The following ADARB2 variants were observed in gnomAD, a reference collection of about 807,000 sequenced individuals.
ADARB2 encodes the protein inactive double-stranded RNA-specific editase B2.
ADARB2 carries 25 observed loss-of-function variants against 62.2 expected under a neutral mutation model. The ratio of observed to expected loss-of-function variants is 0.40; its 90% CI spans 0.29 to 0.56. The LOEUF (loss-of-function observed/expected upper bound fraction) is 0.56, where lower values mean the gene tolerates loss of function less well. Among genes scored for constraint, ADARB2 ranks in the 20% least tolerant of loss-of-function variants. The pLI, the probability that ADARB2 is intolerant of heterozygous loss-of-function variation, is 0.43. For missense variants in ADARB2, 1,071 were observed against 1,077.4 expected (o/e 0.99, Z 0.08); for synonymous variants, 572 against 500.8 (o/e 1.14, Z -1.90).
chr10:1,568,266 T>C lies in ADARB2; in HGVS notation c.100+168785A>G, dbSNP rs1832883475. Among the ~76,000 whole-genome samples, 3 of 152,060 alleles carry C rather than the reference T, an allele frequency of 2.0e-5. No homozygotes were observed. The South Asian group carries it at 6.2e-4, about 32-fold the overall frequency. ...TGTCCTATATTGGTCTAGATGGAGC[T>C]TGGGACCACGGCTGCCAGGAAACGC... On this transcript the variant is annotated intron_variant, in intron 1 of 9. Coordinates refer to ENST00000381312, the MANE Select transcript of ADARB2 (RefSeq NM_018702.4).
chr10:1,468,727 A>G (rs1323544278), intron 1 of ADARB2, among the ~76,000 whole-genome samples: 1 of 152,206 alleles, frequency 6.6e-6, no homozygotes, highest in Non-Finnish European at 1.5e-5. Flanking sequence ...CTTCTGACTC[A>G]GACCCCCGGC....
intron 1 of ADARB2, among the ~76,000 whole-genome samples, chr10:1,546,733 A>G (rs1381686088): frequency 6.6e-6 from 1 of 152,264 alleles, no homozygotes; most frequent in Non-Finnish European, 1.5e-5. Context: ...GCAAAGGGTG[A>G]AAACAACGCT....
chr10:1,510,904 A>G (rs1290232817), intron 1 of ADARB2, among the ~76,000 whole-genome samples: 1 of 152,048 alleles, frequency 6.6e-6, no homozygotes, highest in Non-Finnish European at 1.5e-5. Flanking sequence ...CCCAGGCTGG[A>G]GTGCACTGGA....
rs1004426668 is a variant in ADARB2 at position 1,601,612 on chromosome 10, A to G, written c.100+135439T>C. On this transcript the variant is annotated intron_variant, in intron 1 of 9. Coordinates refer to ENST00000381312, the MANE Select transcript of ADARB2 (RefSeq NM_018702.4). ...GGCATGCTGTACACACGTTAGAAACATGTGCTGAGCTGATGAGCAGCTCAC... is the reference window on the plus strand; with the variant it reads ...GGCATGCTGTACACACGTTAGAAACGTGTGCTGAGCTGATGAGCAGCTCAC... Among the ~76,000 whole-genome samples, 6 of 152,232 alleles carry G rather than the reference A, an allele frequency of 3.9e-5. No individual in the cohort carries two copies. In the East Asian group the frequency reaches 5.8e-4, roughly 15 times the overall value.
intron 3 of ADARB2, among the ~76,000 whole-genome samples, chr10:1,315,113 G>T (rs1831726656): frequency 6.6e-6 from 1 of 152,198 alleles, no homozygotes; most frequent in Non-Finnish European, 1.5e-5. Context: ...CTCTCTGGGA[G>T]TTTGGGAAAG....
chr10:1,494,614 C>T (rs1358889833), intron 1 of ADARB2, among the ~76,000 whole-genome samples: 1 of 151,374 alleles, frequency 6.6e-6, no homozygotes, highest in Admixed American at 6.6e-5. Flanking sequence ...CCCTTTAGCT[C>T]CACTTTTTTT....
rs560136419 is a variant in ADARB2, at chr10:1,676,316, C to T, written c.100+60735G>A. On this transcript the variant is annotated intron_variant, in intron 1 of 9. Coordinates refer to ENST00000381312, the MANE Select transcript of ADARB2 (RefSeq NM_018702.4). ...GGCCTCTAGACGCCCCCACCCAGAA[C>T]TGCTGAGTGAATGGTCAAGGCTTCC... Among the ~76,000 whole-genome samples the T allele has an allele frequency of 3.0e-4, 46 of 152,296 alleles. No homozygotes were observed. In the South Asian group the frequency reaches 5.6e-3, roughly 19 times the overall value.
chr10:1,571,178 C>T (rs1459010112), intron 1 of ADARB2, among the ~76,000 whole-genome samples: 18 of 152,098 alleles, frequency 1.2e-4, no homozygotes, highest in Admixed American at 1.2e-3. Flanking sequence ...TGAAGGCCCT[C>T]GCATTTGAAC....
At chr10:1,431,358 C>A (rs754193854) in intron 1 of ADARB2, among the ~76,000 whole-genome samples, 9 of 152,008 alleles carry the variant, frequency 5.9e-5, no homozygotes, top group Non-Finnish European at 1.2e-4. Context: ...GAAAAAATCT[C>A]AAAGGTAATA....
chr10:1,289,456 T>C (rs1831444150), intron 3 of ADARB2, among the ~76,000 whole-genome samples: 1 of 152,194 alleles, frequency 6.6e-6, no homozygotes, highest in African/African-American at 2.4e-5. Context: ...TGGGTTCACG[T>C]TGGGGACCTG....
intron 1 of ADARB2, among the ~76,000 whole-genome samples, chr10:1,581,390 A>G (rs1008488109): frequency 7.9e-5 from 12 of 152,244 alleles, no homozygotes; most frequent in African/African-American, 2.9e-4. Context: ...ATCTCCCCCG[A>G]GGACAGGAGC....
At chr10:1,610,597 G>A (rs1028585926) in intron 1 of ADARB2, among the ~76,000 whole-genome samples, 3 of 152,194 alleles carry the variant, frequency 2.0e-5, no homozygotes, top group African/African-American at 7.2e-5. Context: ...CGGGAATAAG[G>A]GGCTTCCTCG....
At position 1,467,579 on chromosome 10, in the gene ADARB2, A is replaced by G. The variant is rs1433524809; in HGVS notation, c.101-88419T>C. On this transcript the variant is annotated intron_variant, in intron 1 of 9. Transcript: ENST00000381312. ...ACAAATCCAAAGGCACCTGCTGTCG[A>G]GCGAGGACTGAAGCCACCGCTGACA... Among the ~76,000 whole-genome samples the G allele has an allele frequency of 2.0e-5, 3 of 152,294 alleles. No individual in the cohort carries two copies. In the East Asian group the frequency reaches 5.8e-4, roughly 29 times the overall value.
chr10:1,448,668 A>G (rs1173676250), intron 1 of ADARB2, among the ~76,000 whole-genome samples: 1 of 152,220 alleles, frequency 6.6e-6, no homozygotes, highest in Non-Finnish European at 1.5e-5. Flanking sequence ...GAACCTAGAA[A>G]GACTGGTTGG....
intron 1 of ADARB2, among the ~76,000 whole-genome samples, chr10:1,423,628 T>C (rs1473188072): frequency 6.6e-6 from 1 of 152,104 alleles, no homozygotes; most frequent in Admixed American, 6.5e-5. Flanking sequence ...ATGCAGTAGG[T>C]CCACTATGTA....
chr10:1,188,008 C>A, intron 8 of ADARB2: 1 of 181,230 alleles, frequency 5.5e-6, no homozygotes. Flanking sequence ...GTGGTGTAAA[C>A]CCAGGAGCAA....
intron 1 of ADARB2, among the ~76,000 whole-genome samples, chr10:1,725,510 G>T (rs1835152401): frequency 6.6e-6 from 1 of 151,708 alleles, no homozygotes; most frequent in Non-Finnish European, 1.5e-5. Context: ...TGCGGTGGGG[G>T]AAGACCCCCT....
chr10:1,370,077 A>C (rs1464221498), intron 2 of ADARB2, among the ~76,000 whole-genome samples: 2 of 152,238 alleles, frequency 1.3e-5, no homozygotes, highest in Admixed American at 1.3e-4. Flanking sequence ...GCGTGATTTC[A>C]GCAACACATC....
chr10:1,634,331 A>T (rs1206361633), intron 1 of ADARB2, among the ~76,000 whole-genome samples: 1 of 152,206 alleles, frequency 6.6e-6, no homozygotes, highest in Non-Finnish European at 1.5e-5. Context: ...AGAAAACCAC[A>T]GCGGTTGTTT....
Sources: gnomAD v4.1 joint callset for allele counts (sites outside exome capture counted in the v4.1 genomes callset) on GRCh38, gnomAD v4.1.1 for gene constraint, MANE v1.5 for transcripts, NCBI Gene and HGNC (gene_info 2026-07-23, HGNC 2026-07-21) for gene names.